The following KIF17 variants were observed in gnomAD, a reference collection of about 807,000 sequenced individuals.
KIF17 encodes kinesin-like protein KIF17.
In KIF17, 80 loss-of-function variants were observed where a neutral mutation model predicts 96.8. That is an observed-to-expected ratio of 0.83 (90% confidence interval 0.69 to 1.00). The LOEUF is 1.00. Ranked by LOEUF, KIF17 falls within the 50% of genes least tolerant of loss-of-function variation. The probability of loss-of-function intolerance (pLI) is 0.00; values close to 1 mark genes in which losing one functional copy is unlikely to be tolerated. For synonymous variants in KIF17, 567 were observed against 587.5 expected (o/e 0.97, Z 0.51); for missense variants, 1,280 against 1,372.9 (o/e 0.93, Z 1.07).
At chr1:20,707,787 ATGTGTGTGTGTGTGTGTGTGTGTG>A (rs3077930) in intron 4 of KIF17, among the ~76,000 whole-genome samples, 10 of 124,560 alleles carry the variant, frequency 8.0e-5, no homozygotes, top group East Asian at 2.3e-4. Context: ...ACCAATGTGT[ATGTGTGTGTGTGTGTGTGTGTGTG>A]TGTGTGTGTG....
intron 2 of KIF17, 117 bp from the exon 3 acceptor site, chr1:20,713,672 A>G (rs1427642290): frequency 3.8e-6 from 3 of 780,366 alleles, no homozygotes; most frequent in Non-Finnish European, 6.5e-6. Context: ...GAGAAGGGAC[A>G]TCGGGGCAAG....
Position 20,682,815 on chromosome 1 carries a change from G to C in KIF17, c.2301C>G (p.His767Gln). Reference sequence around the variant, plus strand: ...CGTCTGCGTAGCGCTTGCGCCGCTTGTGCTTCTCCTTCAGGTCCTTGTTCT... The same window carrying C: ...CGTCTGCGTAGCGCTTGCGCCGCTTCTGCTTCTCCTTCAGGTCCTTGTTCT... ...QAKNKDLKEK[H>Q]KRRKRYADER... The change falls in exon 11 of 15, where the codon CAC becomes CAG. Residue 767 changes from histidine (H) to glutamine (Q), a missense_variant. Physicochemically the swap from His to Gln is conservative, Grantham distance 24 (BLOSUM62 0). Transcript: ENST00000400463. The C allele has an allele frequency of 6.2e-7, 1 of 1,612,678 alleles. No homozygotes were observed. The highest frequency in any genetic ancestry group is 1.3e-5 in the African/African-American group (1 of 75,066).
chr1:20,717,857 CGG>C lies in KIF17; in HGVS notation c.-153_-152del. On this transcript the variant is annotated 5_prime_UTR_variant, in exon 1 of 15. Transcript: ENST00000400463. ...GCCGCGGCGGGGGGCGGGGACCCCT[CGG>C]GGGGCGCCCCGGAGGGGAGCTGGGC... The C allele has an allele frequency of 1.2e-5, 6 of 480,308 alleles. No individual in the cohort carries two copies. The highest frequency in any genetic ancestry group is 1.5e-5 in the Non-Finnish European group (6 of 401,002). The allele number at this position is 480,308 out of a possible 1,614,324, so 29.8% of individuals were successfully genotyped here. A position where few individuals can be genotyped will look rare whatever the true frequency, so the allele number is the denominator to read the frequency against.
intron 1 of KIF17, among the ~76,000 whole-genome samples, chr1:20,716,221 G>A (rs2054574869): frequency 7.2e-6 from 1 of 139,442 alleles, no homozygotes; most frequent in Non-Finnish European, 1.5e-5. Context: ...CAGCCTGGGC[G>A]ACAGCGCGAG....
chr1:20,678,381 A>G (rs934671441), intron 11 of KIF17, among the ~76,000 whole-genome samples: 1 of 152,196 alleles, frequency 6.6e-6, no homozygotes, highest in Admixed American at 6.5e-5. Flanking sequence ...GTGTGTATAC[A>G]CACATACGTA....
At chr1:20,669,864 CAAAAAAAAAAAAAAAAAAAAAAA>C (rs61673996) in intron 13 of KIF17, among the ~76,000 whole-genome samples, 381 of 18,440 alleles carry the variant, frequency 0.021, 9 homozygotes, top group African/African-American at 0.063. Flanking sequence ...GACTCCATCT[CAAAAAAAAAAAAAAAAAAAAAAA>C]AAAAAAAAAA....
chr1:20,678,048 G>A (rs111254310), intron 11 of KIF17, among the ~76,000 whole-genome samples: 2 of 152,322 alleles, frequency 1.3e-5, no homozygotes, highest in African/African-American at 4.8e-5. Context: ...AGACATACCC[G>A]ACACTGGGTA....
intron 3 of KIF17, among the ~76,000 whole-genome samples, chr1:20,711,549 G>A (rs1175885291): frequency 1.3e-5 from 2 of 152,190 alleles, no homozygotes; most frequent in African/African-American, 2.4e-5. Flanking sequence ...TGTGTCCATC[G>A]CTGCCACGGG....
intron 6 of KIF17, among the ~76,000 whole-genome samples, chr1:20,691,691 A>G (rs1235892196): frequency 6.9e-6 from 1 of 145,598 alleles, no homozygotes. Context: ...CTGGTCTCGA[A>G]CTCCTGACCT....
In KIF17 at chr1:20,689,231, G is replaced by A. The variant is rs117858245; in HGVS notation, c.1381+957C>T. ...ACAAGCGGTACCGACGGTGCGATCA[G>A]TATCATCATCATTCCAGGCCTGGAT... is the stretch of plus-strand genomic sequence containing the variant. On this transcript the variant is annotated intron_variant, in intron 7 of 14. Transcript: ENST00000400463. Among the ~76,000 whole-genome samples the A allele has an allele frequency of 6.2e-4, 94 of 152,222 alleles. No individual in the cohort carries two copies. In the East Asian group the frequency reaches 0.016, roughly 26 times the overall value.
intron 6 of KIF17, among the ~76,000 whole-genome samples, chr1:20,696,064 C>T (rs1011855226): frequency 2.6e-5 from 4 of 152,156 alleles, no homozygotes; most frequent in Non-Finnish European, 5.9e-5. Context: ...GCAGATGAGA[C>T]AGAGGCTCAG....
chr1:20,686,012 C>T (rs1437828059), intron 9 of KIF17, 34 bp downstream of exon 9: 17 of 1,515,698 alleles, frequency 1.1e-5, no homozygotes, highest in East Asian at 2.5e-5. Context: ...AAGAGAACCC[C>T]GTCCCCCACA....
intron 11 of KIF17, among the ~76,000 whole-genome samples, chr1:20,678,482 A>G (rs1218412880): frequency 6.6e-6 from 1 of 152,206 alleles, no homozygotes; most frequent in African/African-American, 2.4e-5. Context: ...CTAAGCCTGA[A>G]TCTCTCCAAC....
At chr1:20,663,983 T>A (rs1199854660), downstream of KIF17, 1 of 161,596 alleles carries the variant, frequency 6.2e-6, no homozygotes, top group Non-Finnish European at 1.4e-5. Flanking sequence ...GGGCCCCAAG[T>A]GACACTGTCA....
chr1:20,711,292 G>A (rs1050083736), intron 3 of KIF17, among the ~76,000 whole-genome samples: 2 of 152,090 alleles, frequency 1.3e-5, no homozygotes, highest in Non-Finnish European at 2.9e-5. Flanking sequence ...GGGGTCTCCC[G>A]CCACGATATT....
rs145884257 is a variant in KIF17 at position 20,695,372 on chromosome 1, G to T, written c.1233+3007C>A. Among the ~76,000 whole-genome samples, 89 of 152,262 alleles carry T rather than the reference G, an allele frequency of 5.8e-4. No individual in the cohort carries two copies. In the East Asian group the frequency reaches 0.013, roughly 22 times the overall value. ...CCGACTAATTTTTGTATTTGTAGTA[G>T]AGACGGGGTTTCGCCATGTTGGCCA... is the stretch of plus-strand genomic sequence containing the variant. On this transcript the variant is annotated intron_variant, in intron 6 of 14. Transcript: ENST00000400463.
rs973911505 is a variant in KIF17 at position 20,687,019 on chromosome 1, C to T, written c.1938+369G>A. Among the ~76,000 whole-genome samples the T allele has an allele frequency of 5.3e-5, 8 of 152,072 alleles. No homozygotes were observed. The highest frequency in any genetic ancestry group is 1.9e-4 in the African/African-American group (8 of 41,418). ...CCCACCCAGCTCACTACAGAGCTCA[C>T]GAGCCAGTGAGCGTCGCCCAGGGCT... On this transcript the variant is annotated intron_variant, in intron 8 of 14. Transcript: ENST00000400463. This position sits in a 1 kb window ranked among gnomAD's most constrained non-coding sequence, Gnocchi z 4.4.
intron 13 of KIF17, among the ~76,000 whole-genome samples, chr1:20,669,690 G>A (rs1391898694): frequency 4.0e-5 from 6 of 149,064 alleles, no homozygotes; most frequent in Admixed American, 1.3e-4. Flanking sequence ...TGGCCAACCC[G>A]GTGAAACTCT....
downstream of KIF17, among the ~76,000 whole-genome samples, chr1:20,663,181 C>G (rs2053467232): frequency 6.6e-6 from 1 of 152,032 alleles, no homozygotes; most frequent in African/African-American, 2.4e-5. Context: ...CTGAGATTGC[C>G]CGCTGCTGCA....
Sources: allele counts gnomAD v4.1 joint callset (sites outside exome capture counted in the v4.1 genomes callset), GRCh38; gene constraint gnomAD v4.1.1; non-coding constraint Gnocchi (gnomAD v3.1); transcripts MANE v1.5; gene names NCBI Gene and HGNC (gene_info 2026-07-23, HGNC 2026-07-21).